Variants in TRAK1 observed in about 807,000 individuals in gnomAD.
The protein encoded by TRAK1 is trafficking kinesin protein 1.
TRAK1 carries 33 observed loss-of-function variants against 92.1 expected under a neutral mutation model. The ratio of observed to expected loss-of-function variants is 0.36; its 90% CI spans 0.27 to 0.48. The LOEUF is 0.48. Ranked by LOEUF, TRAK1 falls within the 20% of genes least tolerant of loss-of-function variation. The pLI, the probability that TRAK1 is intolerant of heterozygous loss-of-function variation, is 0.99. For synonymous variants in TRAK1, 521 were observed against 517.3 expected (o/e 1.01, Z -0.10); for missense variants, 1,123 against 1,257.9 (o/e 0.89, Z 1.62).
chr3:42,071,310 C>T (rs1342970399), intron 1 of TRAK1, among the ~76,000 whole-genome samples: 1 of 152,178 alleles, frequency 6.6e-6, no homozygotes, highest in Non-Finnish European at 1.5e-5. Context: ...TTATCCTAGG[C>T]TGTGACAGCT....
At chr3:42,163,087 A>G (rs1701450668) in intron 2 of TRAK1, among the ~76,000 whole-genome samples, 1 of 152,190 alleles carries the variant, frequency 6.6e-6, no homozygotes, top group African/African-American at 2.4e-5. Context: ...AAATACTGTT[A>G]TTATTCCCAT....
Position 42,221,495 on chromosome 3 carries a change from G to C in TRAK1, c.2067-1447G>C, listed in dbSNP as rs139587665. Among the ~76,000 whole-genome samples the C allele has an allele frequency of 1.4e-3, 219 of 152,236 alleles. 2 individuals carry two copies. Among genetic ancestry groups the C allele is most frequent in the African/African-American group, 5.0e-3 (209 of 41,538 alleles). On this transcript the variant is annotated intron_variant, in intron 15 of 15. Coordinates refer to ENST00000327628, the MANE Select transcript of TRAK1 (RefSeq NM_001042646.3). The stretch of plus-strand genomic sequence containing the variant: ...GAACCTCGTGTTTCCCACGAGGGAG[G>C]GGGCCCCTTCTCTGGTCATCGCAAA...
At chr3:42,209,686 G>A in intron 13 of TRAK1, 81 bp from the exon 14 acceptor site, 1 of 1,410,238 alleles carries the variant, frequency 7.1e-7, no homozygotes, top group Non-Finnish European at 9.8e-7. Context: ...TTTGAGGGTG[G>A]TAAACAGCCA....
intron 1 of TRAK1, among the ~76,000 whole-genome samples, chr3:42,055,811 G>A (rs1211022373): frequency 6.6e-6 from 1 of 152,100 alleles, no homozygotes; most frequent in Non-Finnish European, 1.5e-5. Flanking sequence ...AAGAAACCCT[G>A]TATCCATTAG....
At position 42,160,100 on chromosome 3, in the gene TRAK1, GCCAAGTGCTCCACCCCA is replaced by G. The variant is rs1054215719; in HGVS notation, c.287-16711_287-16695del. The G allele has an allele frequency of 6.3e-5, 16 of 253,172 alleles. No homozygotes were observed. In the Admixed American group the frequency reaches 9.6e-4, roughly 15 times the overall value. 15.7% of individuals were successfully genotyped at this position (253,172 alleles called of 1,614,324 possible). A position where few individuals can be genotyped will look rare whatever the true frequency, so the allele number is the denominator to read the frequency against. On this transcript the variant is annotated intron_variant, in intron 2 of 15. Transcript: ENST00000327628. ...GCGCCTAGCAGGGCATTCCCACCCC[GCCAAGTGCTCCACCCCA>G]CCCCGCCCCTCCTCCAGGCTCATAG...
intron 13 of TRAK1, chr3:42,203,065 G>T: frequency 1.6e-6 from 2 of 1,238,026 alleles, no homozygotes; most frequent in African/African-American, 1.5e-5. Flanking sequence ...TTTTGTGGCG[G>T]TAGAGGCACT....
At chr3:42,031,171 G>A (rs1702132472) in intron 1 of TRAK1, among the ~76,000 whole-genome samples, 2 of 151,236 alleles carry the variant, frequency 1.3e-5, no homozygotes, top group Admixed American at 1.3e-4. Context: ...AAGTAGCTGG[G>A]ATTACAGGCA....
upstream of TRAK1, among the ~76,000 whole-genome samples, chr3:42,084,555 C>A (rs912988881): frequency 3.5e-4 from 53 of 152,200 alleles, no homozygotes; most frequent in African/African-American, 1.2e-3. Context: ...TGGAGAAGCC[C>A]CCTTGGGCCC....
chr3:42,048,836 A>G (rs751300076), intron 1 of TRAK1, among the ~76,000 whole-genome samples: 16 of 151,518 alleles, frequency 1.1e-4, no homozygotes, highest in Non-Finnish European at 2.2e-4. Context: ...AAGTGCTGGG[A>G]TTACAGATGT....
At chr3:42,104,947 ATC>A (rs1707314793) in intron 1 of TRAK1, among the ~76,000 whole-genome samples, 3 of 131,302 alleles carry the variant, frequency 2.3e-5, no homozygotes, top group South Asian at 2.7e-4. Flanking sequence ...GAAGCTAAAA[ATC>A]TTTTTTTTTT....
chr3:42,210,229 C>A, intron 14 of TRAK1: 2 of 1,532,158 alleles, frequency 1.3e-6, no homozygotes, highest in Non-Finnish European at 1.8e-6. Flanking sequence ...GGTTCTCTGT[C>A]TGTAGCTTCC....
At chr3:42,178,446 C>T (rs556712327) in intron 3 of TRAK1, among the ~76,000 whole-genome samples, 24 of 152,204 alleles carry the variant, frequency 1.6e-4, no homozygotes, top group Admixed American at 6.5e-4. Flanking sequence ...CATTTAACTG[C>T]GTTGGTTCTT....
chr3:42,050,659 T>A (rs965389017), intron 1 of TRAK1, among the ~76,000 whole-genome samples: 1 of 152,176 alleles, frequency 6.6e-6, no homozygotes, highest in Non-Finnish European at 1.5e-5. Flanking sequence ...ATCTTATTTT[T>A]AATTTTTATT....
At chr3:42,092,074 C>G (rs1705147236) in intron 1 of TRAK1, among the ~76,000 whole-genome samples, 1 of 152,206 alleles carries the variant, frequency 6.6e-6, no homozygotes, top group Non-Finnish European at 1.5e-5. Flanking sequence ...TCCCTCTCTC[C>G]CGTTTCCCTC....
At chr3:42,048,368 A>G (rs750999233) in intron 1 of TRAK1, among the ~76,000 whole-genome samples, 1 of 152,138 alleles carries the variant, frequency 6.6e-6, no homozygotes, top group African/African-American at 2.4e-5. Flanking sequence ...TCTCAGTTCA[A>G]TGTATTTCCT....
intron 2 of TRAK1, among the ~76,000 whole-genome samples, chr3:42,159,415 G>A (rs578086005): frequency 3.3e-5 from 5 of 152,272 alleles, no homozygotes; most frequent in African/African-American, 9.6e-5. Flanking sequence ...CCTTTCACTG[G>A]GTTTGATGGA....
At chr3:42,092,654 C>T (rs893945989) in intron 1 of TRAK1, among the ~76,000 whole-genome samples, 5 of 143,422 alleles carry the variant, frequency 3.5e-5, no homozygotes, top group Admixed American at 2.7e-4. Context: ...ATCAAAGGGC[C>T]ATGGCTTAGA....
At chr3:42,136,634 A>AAGAT (rs1553729310) in intron 2 of TRAK1, among the ~76,000 whole-genome samples, 15 of 148,948 alleles carry the variant, frequency 1.0e-4, no homozygotes, top group Admixed American at 2.7e-4. Context: ...ATACAAAAGA[A>AAGAT]AAATAAATAA....
At chr3:42,079,474 CTTCTTTTTTT>C (rs1175433906) in intron 1 of TRAK1, among the ~76,000 whole-genome samples, 19 of 133,944 alleles carry the variant, frequency 1.4e-4, no homozygotes, top group African/African-American at 4.7e-4. Context: ...GAAGCTCCTT[CTTCTTTTTTT>C]TTTTTTTTTG....
Sources: allele counts gnomAD v4.1 joint callset (sites outside exome capture counted in the v4.1 genomes callset), GRCh38; gene constraint gnomAD v4.1.1; transcripts MANE v1.5; gene names NCBI Gene and HGNC (gene_info 2026-07-23, HGNC 2026-07-21).